ZNF287: variants seen among roughly 807,000 people sequenced by gnomAD.
The protein encoded by ZNF287 is zinc finger protein with KRAB and SCAN domains 13.
Under a neutral mutation model 73.7 loss-of-function variants are expected in ZNF287, and 31 were observed. That is an observed-to-expected ratio of 0.42 (90% CI 0.32 to 0.57). The LOEUF (loss-of-function observed/expected upper bound fraction) is 0.57. ZNF287 is among the 20% of genes least tolerant of loss of function. The probability of loss-of-function intolerance (pLI) is 0.13; values close to 1 mark genes in which losing one functional copy is unlikely to be tolerated. For synonymous variants in ZNF287, 301 were observed against 307.2 expected, an observed-to-expected ratio of 0.98 and a Z score of 0.21; for missense variants, 641 against 909.3, an observed-to-expected ratio of 0.70 and a Z score of 3.79.
Position 16,552,626 on chromosome 17 carries a change from T to C in ZNF287, c.1516A>G (p.Lys506Glu). 1 of 1,614,144 alleles carries C rather than the reference T, an allele frequency of 6.2e-7. No homozygotes were observed. Among genetic ancestry groups the C allele is most frequent in the Non-Finnish European group, 8.5e-7 (1 of 1,180,008 alleles). Residue 506 changes from lysine (K) to glutamate (E), a missense_variant, in exon 6 of 6, where the codon AAA (lysine) becomes GAA (glutamate). Around this residue, in one of 2 missense-constraint regions of ZNF287, gnomAD observed 284 missense variants for 466.8 expected, o/e 0.61. Transcript: ENST00000395825. This position sits in a 1 kb window ranked among gnomAD's most constrained non-coding sequence, Gnocchi z 6.5. ...INHQRVHTGE[K>E]PYICNECGKT... is the part of the protein sequence containing the mutation. The stretch of plus-strand genomic sequence containing the variant: ...CCACATTCATTGCATATATAAGGTT[T>C]TTCTCCAGTATGAACTCTCTGATGA...
At chr17:16,555,299 G>T (rs1371330183) in intron 5 of ZNF287, among the ~76,000 whole-genome samples, 1 of 151,922 alleles carries the variant, frequency 6.6e-6, no homozygotes. Context: ...TATGCATCAG[G>T]CTTCTATATA....
At chr17:16,564,756 A>G (rs988852136) in intron 3 of ZNF287, among the ~76,000 whole-genome samples, 2 of 152,162 alleles carry the variant, frequency 1.3e-5, no homozygotes, top group African/African-American at 4.8e-5. Context: ...TTAAAAATAT[A>G]GTATTATCTT....
intron 5 of ZNF287, among the ~76,000 whole-genome samples, chr17:16,556,942 A>G (rs1907117527): frequency 6.6e-6 from 1 of 151,942 alleles, no homozygotes; most frequent in South Asian, 2.1e-4. Flanking sequence ...CTGCCTCCCA[A>G]GTTCAAGCGA....
rs1367385460 is a variant in ZNF287, at chr17:16,549,107, G to C, written c.*2749C>G. 6.6e-6 allele frequency among the ~76,000 whole-genome samples: 1 copy of C among 151,708 alleles called. No individual in the cohort carries two copies. Among genetic ancestry groups the C allele is most frequent in the Non-Finnish European group, 1.5e-5 (1 of 67,938 alleles). On this transcript the variant is annotated 3_prime_UTR_variant, in exon 6 of 6. Coordinates refer to ENST00000395825, the MANE Select transcript of ZNF287 (RefSeq NM_020653.4). ...GAATGTTAGTTTTTAAATTTAGGTG[G>C]GTATATAGTTAATTTTATGATTTTT...
In ZNF287 at chr17:16,552,403, A is replaced by G. The variant is rs1349121661; in HGVS notation, c.1739T>C (p.Ile580Thr). The G allele has an allele frequency of 5.6e-6, 9 of 1,613,960 alleles. No homozygotes were observed. Among genetic ancestry groups the G allele is most frequent in the Admixed American group, 1.7e-5 (1 of 60,008 alleles). Residue 580 changes from isoleucine to threonine, a missense_variant, in exon 6 of 6, where the codon ATT becomes ACT. Ile to Thr is a moderately conservative substitution (Grantham distance 89). Transcript: ENST00000395825. This position sits in a 1 kb window ranked among gnomAD's most constrained non-coding sequence, Gnocchi z 6.5. ...GKAFAHSSTL[I>T]QHQTTHTGEK... is the part of the protein sequence containing the mutation. Reference sequence around the variant, plus strand: ...TCCAGTGTGAGTGGTTTGATGTTGAATAAGGGTTGAGGAATGAGCAAAGGC... The same window carrying G: ...TCCAGTGTGAGTGGTTTGATGTTGAGTAAGGGTTGAGGAATGAGCAAAGGC...
chr17:16,549,253 A>G lies in ZNF287; in HGVS notation c.*2603T>C, dbSNP rs1906485289. Among the ~76,000 whole-genome samples the G allele has an allele frequency of 6.6e-6, 1 of 152,234 alleles. No homozygotes were observed. The highest frequency in any genetic ancestry group is 1.5e-5 in the Non-Finnish European group (1 of 68,038). ...GTAAAAGTGGGAAAAATACACAAAG[A>G]TCTAGGGTTCTCCACTATTACTAGT... On this transcript the variant is annotated 3_prime_UTR_variant, in exon 6 of 6. Coordinates refer to ENST00000395825, the MANE Select transcript of ZNF287 (RefSeq NM_020653.4).
At position 16,553,089 on chromosome 17, in the gene ZNF287, A is replaced by G; in HGVS notation, c.1053T>C (p.His351=). The G allele has an allele frequency of 6.2e-7, 1 of 1,614,196 alleles. No individual in the cohort carries two copies. Among genetic ancestry groups the G allele is most frequent in the Non-Finnish European group, 8.5e-7 (1 of 1,180,008 alleles). The change falls in exon 6 of 6, where the codon CAT becomes CAC. Residue 351 remains histidine, a synonymous_variant. Coordinates refer to ENST00000395825, the MANE Select transcript of ZNF287 (RefSeq NM_020653.4). ...TCCTATGTACAATACCATATGAGAC[A>G]TGATTGAAGGTTGCCCTGCCTTCAT... The part of the protein sequence containing the change: ...VYNEGRATFN[H]VSYGIVHRKI...
chr17:16,566,541 T>C lies in ZNF287; in HGVS notation c.485A>G (p.Asn162Ser). 6.2e-7 allele frequency: 1 copy of C among 1,612,672 alleles called. No homozygotes were observed. Among genetic ancestry groups the C allele is most frequent in the Middle Eastern group, 1.7e-4 (1 of 6,054 alleles). The change falls in exon 3 of 6, where the codon AAT (asparagine) becomes AGT (serine). Residue 162 changes from asparagine (N) to serine (S), a missense_variant. Transcript: ENST00000395825. ...CACACTCACTTTGGTCACCAAGTCA[T>C]TTAGCCATCCTGTCTGGAAAGCATG... ...GKHAFQTGWL[N>S]DLVTKESMTF... is the part of the protein sequence containing the mutation.
chr17:16,567,951 C>A, intron 1 of ZNF287, 22 bp from the exon 2 acceptor site: 1 of 1,403,104 alleles, frequency 7.1e-7, no homozygotes, highest in Non-Finnish European at 9.2e-7. Context: ...GCATGGACCA[C>A]AAGGTCAAGA....
chr17:16,566,125 A>G (rs931355778), intron 3 of ZNF287, among the ~76,000 whole-genome samples: 4 of 152,224 alleles, frequency 2.6e-5, no homozygotes, highest in Non-Finnish European at 4.4e-5. Context: ...CAAGTCTCAT[A>G]ATATTTAATA....
At chr17:16,562,857 G>A (rs1166405349) in intron 5 of ZNF287, among the ~76,000 whole-genome samples, 1 of 152,112 alleles carries the variant, frequency 6.6e-6, no homozygotes, top group Non-Finnish European at 1.5e-5. Flanking sequence ...AGAGGAAGGG[G>A]AAAGTGGCAC....
chr17:16,563,916 C>T (rs1195222669), intron 3 of ZNF287, 91 bp from the exon 4 acceptor site: 1 of 1,460,842 alleles, frequency 6.8e-7, no homozygotes, highest in Non-Finnish European at 9.2e-7. Context: ...GGGGGACTGT[C>T]ACAGAATTTT....
At position 16,547,083 on chromosome 17, in the gene ZNF287, T is replaced by C. The variant is rs201301028; in HGVS notation, c.*4773A>G. 1.3e-5 allele frequency among the ~76,000 whole-genome samples: 2 copies of C among 152,324 alleles called. No homozygotes were observed. Among genetic ancestry groups the C allele is most frequent in the African/African-American group, 4.8e-5 (2 of 41,572 alleles). On this transcript the variant is annotated 3_prime_UTR_variant, in exon 6 of 6. Coordinates refer to ENST00000395825, the MANE Select transcript of ZNF287 (RefSeq NM_020653.4). ...CATTTTCGGGCACATGCAAGTGAAC[T>C]GACACCAGAAGACAAAGAATGAAAC... is the stretch of plus-strand genomic sequence containing the variant.
Position 16,567,476 on chromosome 17 carries a change from C to A in ZNF287, c.256G>T (p.Glu86Ter), listed in dbSNP as rs1327569680. Reference protein sequence around the residue: ...KWLRPEIHSKEQILELLVLEQ... With the variant: ...KWLRPEIHSK ...AGCACCAGCAGCTCCAAAATTTGTT[C>A]CTTTGAGTGAATCTCAGGTCTCAGC... The change falls in exon 2 of 6, where the codon GAA (glutamate) becomes TAA (stop). Residue 86 changes from glutamate (E) to a stop codon, truncating the protein, a stop_gained. Transcript: ENST00000395825. LOFTEE classifies it high-confidence loss of function. 1 of 1,614,070 alleles carries A rather than the reference C, an allele frequency of 6.2e-7. No homozygotes were observed. Among genetic ancestry groups the A allele is most frequent in the Non-Finnish European group, 8.5e-7 (1 of 1,180,046 alleles).
intron 3 of ZNF287, 122 bp downstream of exon 3, chr17:16,566,403 A>G: frequency 1.4e-6 from 1 of 721,492 alleles, no homozygotes; most frequent in South Asian, 2.1e-5. Flanking sequence ...AACATAGGAG[A>G]GAAACTGGGG....
intron 3 of ZNF287, among the ~76,000 whole-genome samples, chr17:16,564,092 A>C (rs540424340): frequency 2.0e-5 from 3 of 152,304 alleles, no homozygotes; most frequent in Admixed American, 6.5e-5. Context: ...TTTTAAACAG[A>C]AAAGGTTTAT....
rs1906392218 is a variant in ZNF287, at chr17:16,548,171, T to C, written c.*3685A>G. 6.6e-6 allele frequency among the ~76,000 whole-genome samples: 1 copy of C among 152,206 alleles called. No individual in the cohort carries two copies. Among genetic ancestry groups the C allele is most frequent in the Non-Finnish European group, 1.5e-5 (1 of 68,026 alleles). On this transcript the variant is annotated 3_prime_UTR_variant, in exon 6 of 6. Coordinates refer to ENST00000395825, the MANE Select transcript of ZNF287 (RefSeq NM_020653.4). Reference sequence around the variant, plus strand: ...TACTTTTTACCAGGTAAAAAGTTGTTGGCAATCAAAATATCCATGTGCTGC... The same window carrying C: ...TACTTTTTACCAGGTAAAAAGTTGTCGGCAATCAAAATATCCATGTGCTGC...
chr17:16,550,995 C>A lies in ZNF287; in HGVS notation c.*861G>T, dbSNP rs1906614916. ...CTCTACACATCTAATGTTATATACACATTAGTTTCTATCATAACATATCTT... is the reference window on the plus strand; with the variant it reads ...CTCTACACATCTAATGTTATATACAAATTAGTTTCTATCATAACATATCTT... On this transcript the variant is annotated 3_prime_UTR_variant, in exon 6 of 6. Transcript: ENST00000395825. 6.7e-6 allele frequency among the ~76,000 whole-genome samples: 1 copy of A among 149,004 alleles called. No homozygotes were observed. The highest frequency in any genetic ancestry group is 2.6e-5 in the African/African-American group (1 of 38,504).
rs771734794 is a variant in ZNF287 at position 16,552,232 on chromosome 17, T to A, written c.1910A>T (p.Gln637Leu). The A allele has an allele frequency of 3.7e-6, 6 of 1,613,982 alleles. No individual in the cohort carries two copies. Among genetic ancestry groups the A allele is most frequent in the Non-Finnish European group, 5.1e-6 (6 of 1,179,992 alleles). The change falls in exon 6 of 6, where the codon CAA becomes CTA. Residue 637 changes from glutamine to leucine, a missense_variant. Gln to Leu is a moderately radical substitution (Grantham distance 113). Transcript: ENST00000395825. This position sits in a 1 kb window ranked among gnomAD's most constrained non-coding sequence, Gnocchi z 6.5. ...TTCTCCATTATGAATCCTCTGATGT[T>A]GAGTAAGGTGCACACTCTGGCTGAA... Reference protein sequence around the residue: ...KAFSQSVHLTQHQRIHNGEKP... With the variant: ...KAFSQSVHLTLHQRIHNGEKP...
Sources: gnomAD v4.1 joint callset for allele counts (sites outside exome capture counted in the v4.1 genomes callset) on GRCh38, gnomAD v4.1.1 for gene constraint, gnomAD v4.1.1 regional missense constraint, Gnocchi (gnomAD v3.1) non-coding constraint, MANE v1.5 for transcripts, NCBI Gene and HGNC (gene_info 2026-07-23, HGNC 2026-07-21) for gene names.